Variants in RAPGEF1 observed in about 807,000 individuals in gnomAD.
RAPGEF1 encodes the protein Rap guanine nucleotide exchange factor 1, also known as CRK SH3-binding GNRP.
Under a neutral mutation model 143.3 loss-of-function variants are expected in RAPGEF1, and 33 were observed. The ratio of observed to expected loss-of-function variants is 0.23; its 90% confidence interval spans 0.17 to 0.31. The LOEUF (loss-of-function observed/expected upper bound fraction) is 0.31. Ranked by LOEUF, RAPGEF1 falls within the 10% of genes least tolerant of loss-of-function variation. RAPGEF1 has a pLI of 1.00. For synonymous variants in RAPGEF1, 629 were observed against 676.5 expected (o/e 0.93, Z 1.09); for missense variants, 1,199 against 1,645.4 (o/e 0.73, Z 4.69).
chr9:131,612,783 A>C (rs983992831), intron 12 of RAPGEF1, among the ~76,000 whole-genome samples: 2 of 152,206 alleles, frequency 1.3e-5, no homozygotes, highest in Non-Finnish European at 2.9e-5. Context: ...GGGGGAACGC[A>C]CTGCAGGAGC....
In RAPGEF1 at chr9:131,651,072, A is replaced by G; in HGVS notation, c.62-123T>C. 3 of 1,254,934 alleles carry G rather than the reference A, an allele frequency of 2.4e-6. No individual in the cohort carries two copies. The South Asian group carries it at 4.7e-5, about 20-fold the overall frequency. The allele number at this position is 1,254,934 out of a possible 1,614,324, so 77.7% of individuals were successfully genotyped here. A position where few individuals can be genotyped will look rare whatever the true frequency, so the allele number is the denominator to read the frequency against. On this transcript the variant is annotated intron_variant, in intron 1 of 26. Coordinates refer to ENST00000683357, the MANE Select transcript of RAPGEF1 (RefSeq NM_001377935.1). ...TTTTTCTTGGCTGTTGAGAGTTTCA[A>G]GGGAAAGGACGTATGGATCCATTAC...
At chr9:131,670,928 C>T (rs1831280958) in intron 1 of RAPGEF1, among the ~76,000 whole-genome samples, 1 of 152,190 alleles carries the variant, frequency 6.6e-6, no homozygotes, top group African/African-American at 2.4e-5. Context: ...ACAAAACTCG[C>T]CATACTGATT....
intron 1 of RAPGEF1, among the ~76,000 whole-genome samples, chr9:131,662,695 T>C (rs946489173): frequency 6.6e-6 from 1 of 152,086 alleles, no homozygotes; most frequent in Non-Finnish European, 1.5e-5. Context: ...TGAATCACCA[T>C]GCCTGGCTAA....
At chr9:131,651,026 GCAATGTCCCCAAACC>G (rs1327247710) in intron 1 of RAPGEF1, 77 bp from the exon 2 acceptor site, 7 of 1,509,508 alleles carry the variant, frequency 4.6e-6, no homozygotes, top group Non-Finnish European at 6.3e-6. Flanking sequence ...GTGGAAATGA[GCAATGTCCCCAAACC>G]CATCTTTTTT....
intron 3 of RAPGEF1, among the ~76,000 whole-genome samples, chr9:131,645,523 T>C (rs190468093): frequency 6.6e-6 from 1 of 152,324 alleles, no homozygotes; most frequent in East Asian, 1.9e-4. Flanking sequence ...GCCAACAATG[T>C]AGCACAGCCA....
At chr9:131,596,507 G>T (rs988241299) in intron 16 of RAPGEF1, 134 bp from the exon 17 acceptor site, 17 of 889,242 alleles carry the variant, frequency 1.9e-5, no homozygotes, top group Non-Finnish European at 2.7e-5. Flanking sequence ...GTGCTCCTCG[G>T]CCCAGGAGCA....
chr9:131,645,467 A>G (rs958483922), intron 3 of RAPGEF1, among the ~76,000 whole-genome samples: 2 of 152,274 alleles, frequency 1.3e-5, no homozygotes, highest in South Asian at 2.1e-4. Flanking sequence ...AGAGAGATCA[A>G]ATCAGCTGTT....
At chr9:131,590,292 G>A (rs4740289) in intron 18 of RAPGEF1, among the ~76,000 whole-genome samples, 4,781 of 107,858 alleles carry the variant, frequency 0.044, 197 homozygotes, top group East Asian at 0.17. Flanking sequence ...TTACAGACAC[G>A]TAGAGAGTGC....
Position 131,732,430 on chromosome 9 carries a change from A to G in RAPGEF1, c.61+7340T>C, listed in dbSNP as rs558956053. Among the ~76,000 whole-genome samples the G allele has an allele frequency of 4.6e-5, 7 of 152,208 alleles. No homozygotes were observed. The South Asian group carries it at 1.0e-3, about 23-fold the overall frequency. On this transcript the variant is annotated intron_variant, in intron 1 of 26. Coordinates refer to ENST00000683357, the MANE Select transcript of RAPGEF1 (RefSeq NM_001377935.1). ...CACTACAAGTGGAAGCTCAAAGAAC[A>G]TGCACTCAAGTGGAAGCTCAAAGAA... is the stretch of plus-strand genomic sequence containing the variant.
intron 9 of RAPGEF1, 133 bp downstream of exon 9, chr9:131,627,780 G>A: frequency 2.3e-6 from 2 of 869,484 alleles, no homozygotes; most frequent in East Asian, 2.7e-5. Context: ...AGGAAGCTGA[G>A]GCTCAGATTT....
chr9:131,601,150 C>T (rs1588335120), intron 15 of RAPGEF1, among the ~76,000 whole-genome samples: 1 of 116,378 alleles, frequency 8.6e-6, no homozygotes, highest in African/African-American at 3.4e-5. Context: ...CTAGCCTGGG[C>T]GACAGAGTGA....
At position 131,621,735 on chromosome 9, in the gene RAPGEF1, T is replaced by C; in HGVS notation, c.1905+61A>G. ...TAACCCTGCCCCCAAGGAGGGTCATTCTGGTTCCTAGAGACCTGCTAGGAT... is the reference window on the plus strand; with the variant it reads ...TAACCCTGCCCCCAAGGAGGGTCATCCTGGTTCCTAGAGACCTGCTAGGAT... On this transcript the variant is annotated intron_variant, in intron 11 of 26. Transcript: ENST00000683357. The surrounding 1 kb of genome is among the most constrained non-coding windows in gnomAD (Gnocchi z 4.5). 2 of 1,504,458 alleles carry C rather than the reference T, an allele frequency of 1.3e-6. No homozygotes were observed. Among genetic ancestry groups the C allele is most frequent in the Middle Eastern group, 2.2e-4 (1 of 4,504 alleles). 93.2% of individuals were successfully genotyped at this position (1,504,458 alleles called of 1,614,324 possible).
At chr9:131,588,526 C>G (rs987250229) in intron 20 of RAPGEF1, among the ~76,000 whole-genome samples, 1 of 152,316 alleles carries the variant, frequency 6.6e-6, no homozygotes, top group East Asian at 1.9e-4. Context: ...CAACCCAGAA[C>G]TGACCACAGC....
rs559617836 is a variant in RAPGEF1 at position 131,583,606 on chromosome 9, C to T, written c.3414+705G>A. Among the ~76,000 whole-genome samples the T allele has an allele frequency of 6.6e-6, 1 of 152,234 alleles. No homozygotes were observed. The highest frequency in any genetic ancestry group is 1.9e-4 in the East Asian group (1 of 5,166). On this transcript the variant is annotated intron_variant, in intron 24 of 26. Coordinates refer to ENST00000683357, the MANE Select transcript of RAPGEF1 (RefSeq NM_001377935.1). The surrounding 1 kb of genome is among the most constrained non-coding windows in gnomAD (Gnocchi z 4.7). ...CATGACCCCTGGGTGGCCTGGCTGA[C>T]ACTCAAAAGCCATGGGTTTTGCCCC...
At chr9:131,600,614 G>A (rs948289409) in intron 15 of RAPGEF1, among the ~76,000 whole-genome samples, 4 of 152,072 alleles carry the variant, frequency 2.6e-5, no homozygotes, top group Non-Finnish European at 4.4e-5. Flanking sequence ...TTCATGCTGA[G>A]CCCTGATAAT....
At position 131,587,805 on chromosome 9, in the gene RAPGEF1, T is replaced by C; in HGVS notation, c.3164A>G (p.Lys1055Arg). 6.2e-7 allele frequency: 1 copy of C among 1,613,836 alleles called. No homozygotes were observed. Among genetic ancestry groups the C allele is most frequent in the East Asian group, 2.2e-5 (1 of 44,880 alleles). The change falls in exon 22 of 27, where the codon AAA becomes AGA. Residue 1055 changes from lysine (K) to arginine (R), a missense_variant. By Grantham distance (26) the Lys-to-Arg change is conservative. Coordinates refer to ENST00000683357, the MANE Select transcript of RAPGEF1 (RefSeq NM_001377935.1). ...IEIPEVLLWA[K>R]EQNEEKSPNL... Reference sequence around the variant, plus strand: ...GGGGCTCTTCTCCTCATTCTGCTCTTTTGCCCAAAGCAAAACCTCAGGAAT... The same window carrying C: ...GGGGCTCTTCTCCTCATTCTGCTCTCTTGCCCAAAGCAAAACCTCAGGAAT...
intron 1 of RAPGEF1, among the ~76,000 whole-genome samples, chr9:131,683,738 G>A (rs562956822): frequency 4.6e-5 from 7 of 152,342 alleles, no homozygotes; most frequent in Admixed American, 3.3e-4. Flanking sequence ...CTCAAAAAGC[G>A]GAGCTTGTAG....
In RAPGEF1 at chr9:131,732,053, T is replaced by C. The variant is rs530451732; in HGVS notation, c.61+7717A>G. Among the ~76,000 whole-genome samples the C allele has an allele frequency of 2.0e-5, 3 of 152,230 alleles. No individual in the cohort carries two copies. The South Asian group carries it at 6.2e-4, about 32-fold the overall frequency. Reference sequence around the variant, plus strand: ...CAGATGAACCTCCCCCCCTGTACCTTAGCTCACAGAGGAGGGGGAAGTAGC... The same window carrying C: ...CAGATGAACCTCCCCCCCTGTACCTCAGCTCACAGAGGAGGGGGAAGTAGC... On this transcript the variant is annotated intron_variant, in intron 1 of 26. Coordinates refer to ENST00000683357, the MANE Select transcript of RAPGEF1 (RefSeq NM_001377935.1).
At chr9:131,689,024 T>C (rs1024620381) in intron 1 of RAPGEF1, among the ~76,000 whole-genome samples, 4 of 152,252 alleles carry the variant, frequency 2.6e-5, no homozygotes, top group African/African-American at 7.2e-5. Flanking sequence ...GCCTTTGAGA[T>C]GTCAATTTTT....
Sources: allele counts gnomAD v4.1 joint callset (sites outside exome capture counted in the v4.1 genomes callset), GRCh38; gene constraint gnomAD v4.1.1; non-coding constraint Gnocchi (gnomAD v3.1); transcripts MANE v1.5; gene names NCBI Gene and HGNC (gene_info 2026-07-23, HGNC 2026-07-21).